Variants in ARFGEF1 observed in about 807,000 individuals in gnomAD.
ARFGEF1 encodes ARF guanine nucleotide exchange factor 1.
In ARFGEF1, 42 loss-of-function variants were observed where a neutral mutation model predicts 231.0. The observed-to-expected ratio is 0.18, with a 90% CI of 0.14 to 0.24. The LOEUF is 0.24. Among genes scored for constraint, ARFGEF1 ranks in the 10% least tolerant of loss-of-function variants. ARFGEF1 has a pLI of 1.00. For synonymous variants in ARFGEF1, 710 were observed against 732.3 expected, an observed-to-expected ratio of 0.97 and a Z score of 0.49; for missense variants, 1,345 against 2,192.0, an observed-to-expected ratio of 0.61 and a Z score of 7.72.
intron 27 of ARFGEF1, among the ~76,000 whole-genome samples, chr8:67,226,688 T>C (rs551202807): frequency 1.6e-4 from 24 of 152,212 alleles, no homozygotes; most frequent in African/African-American, 5.5e-4. Flanking sequence ...AATCTTAGTA[T>C]TTCAGTCAGT....
chr8:67,296,412 C>T lies in ARFGEF1; in HGVS notation c.639+19G>A. The T allele has an allele frequency of 6.2e-7, 1 of 1,611,822 alleles. No individual in the cohort carries two copies. Among genetic ancestry groups the T allele is most frequent in the South Asian group, 1.1e-5 (1 of 90,808 alleles). On this transcript the variant is annotated intron_variant, in intron 5 of 38. Transcript: ENST00000262215. ...GCCTGTTGTGTTCTATACAACCTCT[C>T]TCTTCTTAAAATACTTACTGCTTGG...
rs1309195144 is a variant in ARFGEF1 at position 67,288,005 on chromosome 8, T to C, written c.977A>G (p.Gln326Arg). Residue 326 changes from glutamine (Q) to arginine (R), a missense_variant, in exon 7 of 39, where the codon CAA becomes CGA. Physicochemically the swap from Gln to Arg is conservative, Grantham distance 43. Around this residue, in one of 14 missense-constraint regions of ARFGEF1, gnomAD observed 398 missense variants for 463.2 expected, o/e 0.86. Coordinates refer to ENST00000262215, the MANE Select transcript of ARFGEF1 (RefSeq NM_006421.5). ...GENHDCEEKP[Q>R]DIVQNIVEEM... ...TTCTACAATGTTCTGTACAATGTCT[T>C]GTGGCTTTTCCTCACAATCATGGTT... 6.8e-6 allele frequency: 11 copies of C among 1,608,934 alleles called. No homozygotes were observed. The highest frequency in any genetic ancestry group is 9.3e-6 in the Non-Finnish European group (11 of 1,178,474).
chr8:67,267,013 T>G lies in ARFGEF1; in HGVS notation c.1813-29A>C, dbSNP rs199995695. 41 of 1,608,518 alleles carry G rather than the reference T, an allele frequency of 2.5e-5. No homozygotes were observed. The African/African-American group carries it at 5.1e-4, about 20-fold the overall frequency. ...CAAAGTAATTCAAAAACAAAATTTT[T>G]TTTAAAGGTCTTTTAAGGAAAACAC... On this transcript the variant is annotated intron_variant, in intron 12 of 38. Transcript: ENST00000262215.
At position 67,240,299 on chromosome 8, in the gene ARFGEF1, A is replaced by T; in HGVS notation, c.2851-9T>A. 1 of 1,587,594 alleles carries T rather than the reference A, an allele frequency of 6.3e-7. No homozygotes were observed. The highest frequency in any genetic ancestry group is 1.4e-5 in the African/African-American group (1 of 73,314). On this transcript the variant is annotated splice_polypyrimidine_tract_variant and intron_variant, in intron 19 of 38. Transcript: ENST00000262215. The stretch of plus-strand genomic sequence containing the variant: ...AAAGGCGTCCAAGCCAACTACAAAA[A>T]TTAAAAATTGTATTTTAATTAAAGA...
chr8:67,192,609 A>C (rs981929873), intron 5 of ARFGEF1, among the ~76,000 whole-genome samples: 7 of 152,080 alleles, frequency 4.6e-5, no homozygotes, highest in Non-Finnish European at 5.9e-5. Context: ...ATTGCCAACC[A>C]CAAGATCATG....
At position 67,296,594 on chromosome 8, in the gene ARFGEF1, A is replaced by G. The variant is rs776037456; in HGVS notation, c.476T>C (p.Val159Ala). ...ATGAATTTCTATGTGTTGTGATGTT[A>G]CTGCAGTAAGTAAAGCCTTTAAGAA... ...LQIIKALLTAVTSQHIEIHEG... is the reference protein window; with the variant it reads ...LQIIKALLTAATSQHIEIHEG... Residue 159 changes from valine to alanine, a missense_variant, in exon 5 of 39, where the codon GTA becomes GCA. Coordinates refer to ENST00000262215, the MANE Select transcript of ARFGEF1 (RefSeq NM_006421.5). The G allele has an allele frequency of 6.2e-7, 1 of 1,608,206 alleles. No homozygotes were observed. Among genetic ancestry groups the G allele is most frequent in the Non-Finnish European group, 8.5e-7 (1 of 1,177,306 alleles).
At chr8:67,240,101 A>AT (rs1474730700) in intron 20 of ARFGEF1, 61 bp downstream of exon 20, 1 of 1,570,090 alleles carries the variant, frequency 6.4e-7, no homozygotes, top group Non-Finnish European at 8.6e-7. Context: ...AATTTAAACT[A>AT]TTGTAATGGC....
chr8:67,236,368 ATATATATAT>A (rs1563855678), intron 22 of ARFGEF1, among the ~76,000 whole-genome samples: 457 of 26,142 alleles, frequency 0.017, 28 homozygotes, highest in African/African-American at 0.021. Flanking sequence ...AAAAAAAAAT[ATATATATAT>A]ATATATATAT....
At position 67,257,847 on chromosome 8, in the gene ARFGEF1, T is replaced by A; in HGVS notation, c.2442-31A>T. 6 of 1,537,372 alleles carry A rather than the reference T, an allele frequency of 3.9e-6. No homozygotes were observed. The African/African-American group carries it at 5.5e-5, about 14-fold the overall frequency. The stretch of plus-strand genomic sequence containing the variant: ...AAAATAAATGTATCATGTTATAAAC[T>A]TCTACTGTTTTATATAGTTTCATTT... On this transcript the variant is annotated intron_variant, in intron 16 of 38. Transcript: ENST00000262215.
At chr8:67,200,650 C>T in intron 37 of ARFGEF1, 137 bp from the exon 38 acceptor site, 1 of 624,362 alleles carries the variant, frequency 1.6e-6, no homozygotes, top group Non-Finnish European at 2.8e-6. Flanking sequence ...TTTACATTAG[C>T]TGGAGTGTCA....
At chr8:67,333,082 C>T (rs1422930051) in intron 1 of ARFGEF1, among the ~76,000 whole-genome samples, 5 of 149,960 alleles carry the variant, frequency 3.3e-5, no homozygotes, top group African/African-American at 7.5e-5. Context: ...TGTTGCCAGG[C>T]AGGAGTGCAG....
intron 5 of ARFGEF1, among the ~76,000 whole-genome samples, chr8:67,292,338 AAG>A (rs919699259): frequency 6.6e-6 from 1 of 152,272 alleles, no homozygotes; most frequent in Admixed American, 6.5e-5. Context: ...ACAGAGATGA[AAG>A]ACTTTCACTA....
Position 67,277,412 on chromosome 8 carries a change from A to G in ARFGEF1, c.1073T>C (p.Ile358Thr), listed in dbSNP as rs199816572. The G allele has an allele frequency of 6.2e-5, 100 of 1,613,772 alleles. No homozygotes were observed. The highest frequency in any genetic ancestry group is 3.3e-4 in the Middle Eastern group (2 of 6,054). ...GTCACTACCATCCTCTATAGTTCCA[A>G]TGTTGCCATCTGCACTTGCATTTAT... ...TTINASADGN[I>T]GTIEDGSDSE... The change falls in exon 8 of 39, where the codon ATT (isoleucine) becomes ACT (threonine). Residue 358 changes from isoleucine to threonine, a missense_variant. Coordinates refer to ENST00000262215, the MANE Select transcript of ARFGEF1 (RefSeq NM_006421.5).
intron 1 of ARFGEF1, among the ~76,000 whole-genome samples, chr8:67,328,392 C>T (rs1193173711): frequency 1.3e-5 from 2 of 152,044 alleles, no homozygotes; most frequent in Non-Finnish European, 2.9e-5. Flanking sequence ...CTTTTTACAT[C>T]GAGTATTTTT....
At chr8:67,271,041 AAAG>A (rs1314315235) in intron 10 of ARFGEF1, among the ~76,000 whole-genome samples, 10 of 136,610 alleles carry the variant, frequency 7.3e-5, no homozygotes, top group African/African-American at 1.8e-4. Context: ...AAAAAAAAAA[AAAG>A]GAAAAAGAAA....
chr8:67,258,004 T>C (rs1173645420), intron 16 of ARFGEF1, 81 bp downstream of exon 16: 2 of 1,332,400 alleles, frequency 1.5e-6, no homozygotes, highest in Non-Finnish European at 2.1e-6. Flanking sequence ...TTAGGTCCTA[T>C]TATCTGTAAA....
rs181646393 is a variant in ARFGEF1 at position 67,246,440 on chromosome 8, C to A, written c.2850+4859G>T. ...GGTACAACGGAATAAAACTAGAAATCAGTAACAAGAATAATTTTAGAAACA... is the reference window on the plus strand; with the variant it reads ...GGTACAACGGAATAAAACTAGAAATAAGTAACAAGAATAATTTTAGAAACA... On this transcript the variant is annotated intron_variant, in intron 19 of 38. Transcript: ENST00000262215. Among the ~76,000 whole-genome samples, 98 of 150,182 alleles carry A rather than the reference C, an allele frequency of 6.5e-4. 5 individuals are homozygous for A. Among genetic ancestry groups the A allele is most frequent in the African/African-American group, 2.3e-3 (92 of 40,340 alleles).
At chr8:67,184,226 T>TA (rs1833803997) in intron 5 of ARFGEF1, among the ~76,000 whole-genome samples, 1 of 152,196 alleles carries the variant, frequency 6.6e-6, no homozygotes, top group African/African-American at 2.4e-5. Flanking sequence ...TAGAAAGATC[T>TA]AAAATCAGTA....
chr8:67,277,834 G>C (rs1315479578), intron 7 of ARFGEF1, among the ~76,000 whole-genome samples: 1 of 152,200 alleles, frequency 6.6e-6, no homozygotes, highest in African/African-American at 2.4e-5. Flanking sequence ...TTCAGGAAAT[G>C]CTGGGAAATA....
Sources: gnomAD v4.1 joint callset for allele counts (sites outside exome capture counted in the v4.1 genomes callset) on GRCh38, gnomAD v4.1.1 for gene constraint, gnomAD v4.1.1 regional missense constraint, MANE v1.5 for transcripts, NCBI Gene and HGNC (gene_info 2026-07-23, HGNC 2026-07-21) for gene names.